Variants in BBS4 observed in about 807,000 individuals in gnomAD.
BBS4 encodes Bardet-Biedl syndrome 4.
Under a neutral mutation model 71.4 loss-of-function variants are expected in BBS4, and 58 were observed. The observed-to-expected ratio is 0.81, with a 90% CI of 0.66 to 1.01. The LOEUF is 1.01. BBS4 is among the 50% of genes least tolerant of loss of function. The pLI, the probability that BBS4 is intolerant of heterozygous loss-of-function variation, is 0.00. For missense variants in BBS4, 660 were observed against 607.9 expected (o/e 1.09, Z -0.90); for synonymous variants, 228 against 216.8 (o/e 1.05, Z -0.46).
intron 2 of BBS4, chr15:72,704,378 CATA>C: frequency 8.8e-7 from 1 of 1,138,756 alleles, no homozygotes; most frequent in Non-Finnish European, 1.2e-6. Flanking sequence ...TAGTAATTCT[CATA>C]ATACCTGTGA....
Position 72,738,201 on chromosome 15 carries a change from G to GAGAGGGGTCAGTCTAGA in BBS4, c.*617_*633dup. On this transcript the variant is annotated 3_prime_UTR_variant, in exon 16 of 16. Coordinates refer to ENST00000268057, the MANE Select transcript of BBS4 (RefSeq NM_033028.5). Reference sequence around the variant, plus strand: ...AAGTCCCTCCCTGTATTTTGTTCTTGAGAGGGGTCAGTCTAGAAGCTAGAT... The same window carrying GAGAGGGGTCAGTCTAGA: ...AAGTCCCTCCCTGTATTTTGTTCTTGAGAGGGGTCAGTCTAGAAGAGGGGTCAGTCTAGAAGCTAGAT... 4.4e-6 allele frequency: 2 copies of GAGAGGGGTCAGTCTAGA among 451,720 alleles called. No individual in the cohort carries two copies. The highest frequency in any genetic ancestry group is 8.9e-6 in the Non-Finnish European group (2 of 225,984). 28.0% of individuals were successfully genotyped at this position (451,720 alleles called of 1,614,324 possible).
Position 72,735,913 on chromosome 15 carries a change from GAGA to G in BBS4, c.1200_1202del (p.Lys401del), listed in dbSNP as rs1414925501. On this transcript the variant is annotated inframe_deletion, in exon 14 of 16. Coordinates refer to ENST00000268057, the MANE Select transcript of BBS4 (RefSeq NM_033028.5). ...CGCCCTGGCCCAATATCAGGAGATG[GAGA>G]AGAAAGTCAGCCTACTCAAGGACAA... 9 of 1,614,004 alleles carry G rather than the reference GAGA, an allele frequency of 5.6e-6. No homozygotes were observed. Among genetic ancestry groups the G allele is most frequent in the African/African-American group, 1.3e-5 (1 of 74,906 alleles).
At chr15:72,688,655 G>C (rs1027372245) in intron 1 of BBS4, among the ~76,000 whole-genome samples, 2 of 151,926 alleles carry the variant, frequency 1.3e-5, no homozygotes, top group Non-Finnish European at 2.9e-5. Flanking sequence ...TGCACGCCTC[G>C]GTCTCCCAAA....
rs1016013727 is a variant in BBS4, at chr15:72,702,541, C to T, written c.77-7159C>T. ...TAAAGTAAAACCATAATTAGCTAAT[C>T]TTTTATATGACTTTTTTCTTCCTCA... On this transcript the variant is annotated intron_variant, in intron 2 of 15. Transcript: ENST00000268057. 6.1e-5 allele frequency among the ~76,000 whole-genome samples: 9 copies of T among 148,412 alleles called. No individual in the cohort carries two copies. The Admixed American group carries it at 6.3e-4, about 10-fold the overall frequency.
At chr15:72,735,794 C>T in intron 13 of BBS4, 31 bp from the exon 14 acceptor site, 1 of 1,613,874 alleles carries the variant, frequency 6.2e-7, no homozygotes, top group South Asian at 1.1e-5. Flanking sequence ...TTGCAGAGCC[C>T]CCAGCTCCAT....
intron 4 of BBS4, among the ~76,000 whole-genome samples, chr15:72,712,509 A>G (rs563168006): frequency 6.6e-6 from 1 of 152,250 alleles, no homozygotes; most frequent in African/African-American, 2.4e-5. Flanking sequence ...ACATAGATGG[A>G]TGATATAGTG....
rs1346346413 is a variant in BBS4, at chr15:72,709,669, G to A, written c.77-31G>A. On this transcript the variant is annotated intron_variant, in intron 2 of 15. Transcript: ENST00000268057. ...CTAAAGGAGAAAATCTAATGACTGT[G>A]TTGTTTGTTTTGTCAAAATATGCTG... 13 of 1,496,396 alleles carry A rather than the reference G, an allele frequency of 8.7e-6. No homozygotes were observed. In the East Asian group the frequency reaches 2.7e-4, roughly 31 times the overall value. The allele number at this position is 1,496,396 out of a possible 1,614,324, so 92.7% of individuals were successfully genotyped here.
intron 2 of BBS4, among the ~76,000 whole-genome samples, chr15:72,708,471 C>T (rs1320343774): frequency 6.6e-6 from 1 of 151,706 alleles, no homozygotes; most frequent in African/African-American, 2.4e-5. Flanking sequence ...TGAGGATGTA[C>T]CTCACCTCAG....
intron 2 of BBS4, among the ~76,000 whole-genome samples, chr15:72,706,267 G>T (rs769044190): frequency 6.6e-6 from 1 of 152,118 alleles, no homozygotes; most frequent in Non-Finnish European, 1.5e-5. Flanking sequence ...CTCCCGAGTA[G>T]CTGGGATTAT....
At chr15:72,717,365 GT>G (rs796233323) in intron 6 of BBS4, 95 of 146,500 alleles carry the variant, frequency 6.5e-4, no homozygotes, top group African/African-American at 1.0e-3. Context: ...ATTCGTTTTT[GT>G]TTTTTTTTTT....
rs111237061 is a variant in BBS4 at position 72,702,743 on chromosome 15, T to C, written c.77-6957T>C. Among the ~76,000 whole-genome samples the C allele has an allele frequency of 2.6e-3, 387 of 149,498 alleles. 3 individuals carry two copies. Among genetic ancestry groups the C allele is most frequent in the African/African-American group, 8.9e-3 (366 of 41,296 alleles). ...ATGTTTCTCTTGATCCTGGGCCTGT[T>C]CGCCCTCAGATCCATTCCTTGCCTT... On this transcript the variant is annotated intron_variant, in intron 2 of 15. Transcript: ENST00000268057.
At chr15:72,694,924 ATAAT>A (rs1373325538) in intron 1 of BBS4, among the ~76,000 whole-genome samples, 1 of 152,234 alleles carries the variant, frequency 6.6e-6, no homozygotes, top group Admixed American at 6.5e-5. Flanking sequence ...ACTATATACT[ATAAT>A]TATACATTAA....
At chr15:72,703,256 CAG>C (rs913628250) in intron 2 of BBS4, among the ~76,000 whole-genome samples, 3 of 152,164 alleles carry the variant, frequency 2.0e-5, no homozygotes, top group Non-Finnish European at 2.9e-5. Flanking sequence ...CTTCAGGCCT[CAG>C]AGTCGTAGTG....
At chr15:72,692,937 A>G (rs910863753) in intron 1 of BBS4, among the ~76,000 whole-genome samples, 2 of 150,708 alleles carry the variant, frequency 1.3e-5, no homozygotes, top group African/African-American at 4.9e-5. Flanking sequence ...ATTTTTTTCT[A>G]CCTCCTTTCT....
In BBS4 at chr15:72,731,308, A is replaced by G. The variant is rs1381076624; in HGVS notation, c.715A>G (p.Ile239Val). Residue 239 changes from isoleucine (I) to valine (V), a missense_variant, in exon 11 of 16, where the codon ATC becomes GTC. Ile to Val is a conservative substitution (Grantham distance 29). Coordinates refer to ENST00000268057, the MANE Select transcript of BBS4 (RefSeq NM_033028.5). ...LTYDPTNYKA[I>V]LAAGSMMQTH... ...TTTCTCTGTGCCATGTTTTCAGGCC[A>G]TCTTGGCAGCAGGCAGCATGATGCA... The G allele has an allele frequency of 6.2e-7, 1 of 1,614,104 alleles. No individual in the cohort carries two copies. Among genetic ancestry groups the G allele is most frequent in the South Asian group, 1.1e-5 (1 of 91,078 alleles).
chr15:72,725,135 A>C (rs1438441155), intron 8 of BBS4, among the ~76,000 whole-genome samples: 1 of 151,348 alleles, frequency 6.6e-6, no homozygotes, highest in Non-Finnish European at 1.5e-5. Context: ...AACACAGCTC[A>C]CTGCAGCCTC....
At chr15:72,710,921 G>A (rs921486021) in intron 3 of BBS4, among the ~76,000 whole-genome samples, 6 of 150,910 alleles carry the variant, frequency 4.0e-5, no homozygotes, top group South Asian at 2.1e-4. Flanking sequence ...CTCCCAAGTC[G>A]CTGGGATTAC....
rs2065052723 is a variant in BBS4, at chr15:72,695,138, A to G, written c.25-39A>G. 4.8e-6 allele frequency: 7 copies of G among 1,452,234 alleles called. No homozygotes were observed. The East Asian group carries it at 1.4e-4, about 28-fold the overall frequency. 90.0% of individuals were successfully genotyped at this position (1,452,234 alleles called of 1,614,324 possible). ...TGCTTCTTTAAGTTAGCAAGTTTAT[A>G]TTGTGGTGCTTCAATATAGACTACT... On this transcript the variant is annotated intron_variant, in intron 1 of 15. Transcript: ENST00000268057.
In BBS4 at chr15:72,737,567, G is replaced by A. The variant is rs1567436125; in HGVS notation, c.1540G>A (p.Glu514Lys). The A allele has an allele frequency of 6.2e-7, 1 of 1,608,992 alleles. No individual in the cohort carries two copies. The highest frequency in any genetic ancestry group is 8.5e-7 in the Non-Finnish European group (1 of 1,177,600). Residue 514 changes from glutamate (E) to lysine (K), a missense_variant, in exon 16 of 16, where the codon GAA (glutamate) becomes AAA (lysine). Transcript: ENST00000268057. ...GGAATCAAGTCCAACTGAAACATCA[G>A]AACAAATAAGAGAGAAATAAGAATA... Reference protein sequence around the residue: ...AVESSPTETSEQIREK With the variant: ...AVESSPTETSKQIREK
Sources: gnomAD v4.1 joint callset for allele counts (sites outside exome capture counted in the v4.1 genomes callset) on GRCh38, gnomAD v4.1.1 for gene constraint, MANE v1.5 for transcripts, NCBI Gene and HGNC (gene_info 2026-07-23, HGNC 2026-07-21) for gene names.